GSE1: variants seen among roughly 807,000 people sequenced by gnomAD.
GSE1 encodes Gse1 coiled-coil protein.
Under a neutral mutation model 112.6 loss-of-function variants are expected in GSE1, and 32 were observed. The ratio of observed to expected loss-of-function variants is 0.28; its 90% confidence interval spans 0.21 to 0.38. The LOEUF is 0.38. Among genes scored for constraint, GSE1 ranks in the 10% least tolerant of loss-of-function variants. The probability of loss-of-function intolerance (pLI) is 1.00; values close to 1 mark genes in which losing one functional copy is unlikely to be tolerated. For synonymous variants in GSE1, 1,115 were observed against 735.6 expected (o/e 1.52, Z -8.35); for missense variants, 2,348 against 1,699.2 (o/e 1.38, Z -6.71).
intron 14 of GSE1, among the ~76,000 whole-genome samples, chr16:85,670,056 T>C (rs1054607607): frequency 6.6e-6 from 1 of 152,262 alleles, no homozygotes; most frequent in Non-Finnish European, 1.5e-5. Context: ...ACAGGCGTGG[T>C]TGGCATCCTT....
chr16:85,328,227 C>T (rs1007283679), intron 1 of GSE1, among the ~76,000 whole-genome samples: 5 of 152,272 alleles, frequency 3.3e-5, no homozygotes, highest in African/African-American at 1.2e-4. Flanking sequence ...TCCGCTCCTC[C>T]TCCACAGCAA....
intron 2 of GSE1, among the ~76,000 whole-genome samples, chr16:85,521,183 T>G (rs1390023760): frequency 6.6e-6 from 1 of 152,154 alleles, no homozygotes; most frequent in Non-Finnish European, 1.5e-5. Flanking sequence ...CGCTGATACT[T>G]GATGTGGTCC....
At chr16:85,513,484 C>A (rs2051814937) in intron 2 of GSE1, among the ~76,000 whole-genome samples, 1 of 151,668 alleles carries the variant, frequency 6.6e-6, no homozygotes, top group Non-Finnish European at 1.5e-5. Flanking sequence ...CTGCAGGCTA[C>A]CCCCCTCACC....
chr16:85,657,193 TG>T, intron 7 of GSE1, 83 bp from the exon 8 acceptor site: 1 of 951,000 alleles, frequency 1.1e-6, no homozygotes, highest in Non-Finnish European at 1.6e-6. Flanking sequence ...CTGGTTTCTC[TG>T]GGCAGTTGGG....
intron 1 of GSE1, among the ~76,000 whole-genome samples, chr16:85,355,034 G>A (rs1567708214): frequency 6.6e-6 from 1 of 152,212 alleles, no homozygotes; most frequent in African/African-American, 2.4e-5. Context: ...CGGCATGCCT[G>A]TGGGATTTGT....
intron 1 of GSE1, among the ~76,000 whole-genome samples, chr16:85,288,494 A>T (rs911889694): frequency 6.6e-6 from 1 of 152,236 alleles, no homozygotes; most frequent in East Asian, 1.9e-4. Context: ...GGCACTGGGG[A>T]GGTGGAATGT....
rs943709809 is a variant in GSE1 at position 85,479,537 on chromosome 16, C to T, written c.2464+121894C>T. ...CAGGCTGGTCTCAAGCTCCTGACTT[C>T]AGGTGATCTGCCTGCCTTTGCCTCC... On this transcript the variant is annotated intron_variant, in intron 2 of 2. Coordinates refer to the GSE1 transcript ENST00000637419. Among the ~76,000 whole-genome samples the T allele has an allele frequency of 9.2e-5, 14 of 152,266 alleles. No homozygotes were observed. The East Asian group carries it at 2.5e-3, about 27-fold the overall frequency.
intron 2 of GSE1, among the ~76,000 whole-genome samples, chr16:85,399,546 C>T (rs1164093968): frequency 1.3e-5 from 2 of 152,246 alleles, no homozygotes; most frequent in Non-Finnish European, 2.9e-5. Flanking sequence ...TCAGAAGCCC[C>T]TGCAGGCCCC....
intron 1 of GSE1, among the ~76,000 whole-genome samples, chr16:85,310,529 CCTT>C (rs1220219424): frequency 6.7e-6 from 1 of 150,334 alleles, no homozygotes; most frequent in Non-Finnish European, 1.5e-5. Context: ...CCCACCTCCT[CCTT>C]CTCCCCCACC....
At chr16:85,175,085 C>T (rs931435328) in intron 1 of GSE1, among the ~76,000 whole-genome samples, 3 of 152,074 alleles carry the variant, frequency 2.0e-5, no homozygotes, top group African/African-American at 7.2e-5. Context: ...TGTGTTCATG[C>T]GTTAGCGAAT....
Position 85,524,267 on chromosome 16 carries a change from G to T in GSE1, c.2465-109647G>T, listed in dbSNP as rs994036627. On this transcript the variant is annotated intron_variant, in intron 2 of 2. Transcript: ENST00000637419. ...ACGCGGGGTGGCGGGGATGGTAAGA[G>T]CTCTGGACTTGAGACCCCCAGGGCA... Among the ~76,000 whole-genome samples, 3 of 152,124 alleles carry T rather than the reference G, an allele frequency of 2.0e-5. No homozygotes were observed. The South Asian group carries it at 6.2e-4, about 32-fold the overall frequency.
At chr16:85,549,431 G>C (rs1256195108) in intron 2 of GSE1, among the ~76,000 whole-genome samples, 1 of 152,106 alleles carries the variant, frequency 6.6e-6, no homozygotes, top group Non-Finnish European at 1.5e-5. Context: ...TTCCACCTCG[G>C]CCTCCCAAAG....
intron 2 of GSE1, among the ~76,000 whole-genome samples, chr16:85,408,670 T>C (rs1180504256): frequency 3.8e-5 from 2 of 52,478 alleles, no homozygotes; most frequent in South Asian, 8.6e-4. Context: ...TAATCCTCAC[T>C]GTTACACTCA....
Position 85,373,788 on chromosome 16 carries a change from C to T in GSE1, c.2464+16145C>T, listed in dbSNP as rs1366039996. 5.3e-5 allele frequency among the ~76,000 whole-genome samples: 8 copies of T among 152,120 alleles called. No individual in the cohort carries two copies. The highest frequency in any genetic ancestry group is 9.7e-5 in the African/African-American group (4 of 41,422). On this transcript the variant is annotated intron_variant, in intron 2 of 2. Transcript: ENST00000637419. The surrounding 1 kb of genome is among the most constrained non-coding windows in gnomAD (Gnocchi z 5.1). ...GGCAGGCCTGGGGACCCTGGATCCC[C>T]GAGGCAGCCCAGGGCAGGGTGATTG...
At chr16:85,507,918 A>G (rs887050304) in intron 2 of GSE1, among the ~76,000 whole-genome samples, 4 of 152,144 alleles carry the variant, frequency 2.6e-5, no homozygotes, top group African/African-American at 9.7e-5. Flanking sequence ...GTGTGTTTCT[A>G]TGGGCTGAGC....
chr16:85,476,106 A>G (rs1382602028), intron 2 of GSE1, among the ~76,000 whole-genome samples: 1 of 151,936 alleles, frequency 6.6e-6, no homozygotes, highest in East Asian at 1.9e-4. Flanking sequence ...AATTTTTAAA[A>G]TTTTTTGTAG....
chr16:85,560,944 C>T (rs1384909785), intron 1 of GSE1, among the ~76,000 whole-genome samples: 1 of 152,070 alleles, frequency 6.6e-6, no homozygotes, highest in Non-Finnish European at 1.5e-5. Flanking sequence ...GCCTGGGCAA[C>T]ATGGTAAGAA....
chr16:85,631,667 A>G (rs1325819521), intron 1 of GSE1, among the ~76,000 whole-genome samples: 2 of 152,192 alleles, frequency 1.3e-5, no homozygotes, highest in Non-Finnish European at 2.9e-5. Flanking sequence ...GGGGTGCCCC[A>G]CAGGCTCTGA....
chr16:85,277,990 G>A (rs962493257), intron 1 of GSE1, among the ~76,000 whole-genome samples: 1 of 152,256 alleles, frequency 6.6e-6, no homozygotes, highest in African/African-American at 2.4e-5. Flanking sequence ...GGGAAAGCAG[G>A]CTTCACGACT....
Sources: gnomAD v4.1 joint callset for allele counts (sites outside exome capture counted in the v4.1 genomes callset) on GRCh38, gnomAD v4.1.1 for gene constraint, Gnocchi (gnomAD v3.1) non-coding constraint, MANE v1.5 for transcripts, NCBI Gene and HGNC (gene_info 2026-07-23, HGNC 2026-07-21) for gene names.